GMEB1: variants seen among roughly 807,000 people sequenced by gnomAD.
GMEB1 encodes glucocorticoid modulatory element-binding protein 1.
Under a neutral mutation model 52.4 loss-of-function variants are expected in GMEB1, and 6 were observed. The observed-to-expected ratio is 0.11, with a 90% CI of 0.06 to 0.23. The LOEUF (loss-of-function observed/expected upper bound fraction) is 0.23. Ranked by LOEUF, GMEB1 falls within the 10% of genes least tolerant of loss-of-function variation. GMEB1 has a pLI of 1.00. For synonymous variants in GMEB1, 255 were observed against 244.9 expected, an observed-to-expected ratio of 1.04 and a Z score of -0.38; for missense variants, 486 against 685.6, an observed-to-expected ratio of 0.71 and a Z score of 3.25.
intron 1 of GMEB1, among the ~76,000 whole-genome samples, chr1:28,677,850 A>C (rs1446132050): frequency 6.6e-6 from 1 of 151,716 alleles, no homozygotes; most frequent in Non-Finnish European, 1.5e-5. Context: ...ATTTTATTTT[A>C]TTTTGGTTTT....
At chr1:28,709,041 G>A (rs992264123) in intron 8 of GMEB1, among the ~76,000 whole-genome samples, 1 of 151,910 alleles carries the variant, frequency 6.6e-6, no homozygotes, top group Non-Finnish European at 1.5e-5. Context: ...GGCTGAGGCA[G>A]GAGAATGGTG....
rs114897470 is a variant in GMEB1, at chr1:28,695,293, C to T, written c.441-1634C>T. ...TGTTGCCAAGGCTAGAGTGTAATGG[C>T]GTGATCTCGGCTCACTGCAAACTGT... On this transcript the variant is annotated intron_variant, in intron 5 of 9. Transcript: ENST00000373816. Among the ~76,000 whole-genome samples, 519 of 151,840 alleles carry T rather than the reference C, an allele frequency of 3.4e-3. 1 individual carries two copies. Among genetic ancestry groups the T allele is most frequent in the African/African-American group, 0.012 (490 of 41,432 alleles).
At chr1:28,687,332 TCTCACACA>T (rs1557503963) in intron 2 of GMEB1, among the ~76,000 whole-genome samples, 6 of 95,768 alleles carry the variant, frequency 6.3e-5, no homozygotes, top group South Asian at 8.7e-4. Context: ...TGAGACCCTA[TCTCACACA>T]CACACACACA....
chr1:28,699,835 GA>G (rs1358594000), intron 6 of GMEB1, among the ~76,000 whole-genome samples: 1 of 151,592 alleles, frequency 6.6e-6, no homozygotes, highest in African/African-American at 2.4e-5. Flanking sequence ...AGCACTCTGG[GA>G]AGCTGAGGCA....
chr1:28,678,526 G>T (rs1418085104), intron 1 of GMEB1, among the ~76,000 whole-genome samples: 1 of 152,256 alleles, frequency 6.6e-6, no homozygotes, highest in South Asian at 2.1e-4. Flanking sequence ...AGCCAGGATG[G>T]TCTTGATCTC....
chr1:28,670,583 C>T (rs1363090190), intron 1 of GMEB1, among the ~76,000 whole-genome samples: 2 of 152,156 alleles, frequency 1.3e-5, no homozygotes, highest in African/African-American at 4.8e-5. Flanking sequence ...CATCCTCAGC[C>T]TCCCAGAGTA....
Position 28,716,639 on chromosome 1 carries a change from C to G in GMEB1, c.*1866C>G, listed in dbSNP as rs899551086. ...AACACCCCCAGGCTTTCCTGAGGCA[C>G]CAACTAGATGTCTCTTGAGTGAGCT... On this transcript the variant is annotated 3_prime_UTR_variant, in exon 10 of 10. Transcript: ENST00000373816. The G allele has an allele frequency of 8.6e-5, 13 of 151,824 alleles. No homozygotes were observed. The highest frequency in any genetic ancestry group is 5.3e-4 in the Admixed American group (8 of 15,182). The allele number at this position is 151,824 out of a possible 1,614,324, so 9.4% of individuals were successfully genotyped here. A position where few individuals can be genotyped will look rare whatever the true frequency, so the allele number is the denominator to read the frequency against.
intron 1 of GMEB1, among the ~76,000 whole-genome samples, chr1:28,682,989 T>C (rs959270592): frequency 1.3e-5 from 2 of 152,276 alleles, no homozygotes; most frequent in African/African-American, 4.8e-5. Flanking sequence ...GGAAGAGATA[T>C]GTGTGCACAA....
chr1:28,682,528 A>C (rs1669437145), intron 1 of GMEB1, among the ~76,000 whole-genome samples: 1 of 150,982 alleles, frequency 6.6e-6, no homozygotes. Context: ...AGGGTGAGGC[A>C]GGAGAATCGC....
At position 28,718,637 on chromosome 1, in the gene GMEB1, T is replaced by C. The variant is rs1671329980; in HGVS notation, c.*3864T>C. The C allele has an allele frequency of 6.6e-6, 1 of 152,236 alleles. No homozygotes were observed. The highest frequency in any genetic ancestry group is 6.5e-5 in the Admixed American group (1 of 15,276). The allele number at this position is 152,236 out of a possible 1,614,324, so 9.4% of individuals were successfully genotyped here. A position where few individuals can be genotyped will look rare whatever the true frequency, so the allele number is the denominator to read the frequency against. ...AACTACACATTTCATTATAATTGTT[T>C]TTTTTTGTAATTTTATGTATTTTAT... On this transcript the variant is annotated 3_prime_UTR_variant, in exon 10 of 10. Coordinates refer to ENST00000373816, the MANE Select transcript of GMEB1 (RefSeq NM_001319674.2).
At chr1:28,671,608 G>C (rs994015758) in intron 1 of GMEB1, among the ~76,000 whole-genome samples, 3 of 151,980 alleles carry the variant, frequency 2.0e-5, no homozygotes, top group African/African-American at 7.2e-5. Context: ...GGGCGTGGTG[G>C]AGCTAGTTGC....
At chr1:28,685,743 G>A (rs1263490931) in intron 2 of GMEB1, among the ~76,000 whole-genome samples, 2 of 151,910 alleles carry the variant, frequency 1.3e-5, no homozygotes, top group Admixed American at 6.6e-5. Flanking sequence ...GGCGGATCAC[G>A]AGGTCAGGAG....
intron 1 of GMEB1, among the ~76,000 whole-genome samples, chr1:28,682,550 A>AG (rs1333718310): frequency 6.8e-6 from 1 of 147,444 alleles, no homozygotes; most frequent in Non-Finnish European, 1.5e-5. Flanking sequence ...TGAGCTTGGG[A>AG]GGCAGATGTT....
intron 8 of GMEB1, among the ~76,000 whole-genome samples, chr1:28,705,940 G>T (rs1670738909): frequency 6.9e-6 from 1 of 145,650 alleles, no homozygotes; most frequent in Non-Finnish European, 1.5e-5. Flanking sequence ...GGATCACGAG[G>T]TCAGGAGATC....
Position 28,690,853 on chromosome 1 carries a change from C to T in GMEB1, c.211+667C>T, listed in dbSNP as rs147036624. On this transcript the variant is annotated intron_variant, in intron 3 of 9. Transcript: ENST00000373816. ...AAAATTAGCTGGGTGTAGTGGTGCG[C>T]GCCTGTAATCCCAGTTACTCAGGAG... Among the ~76,000 whole-genome samples, 950 of 151,802 alleles carry T rather than the reference C, an allele frequency of 6.3e-3. 14 individuals carry two copies. The highest frequency in any genetic ancestry group is 0.02 in the African/African-American group (834 of 41,350).
At chr1:28,691,982 A>G (rs1669987237) in intron 4 of GMEB1, among the ~76,000 whole-genome samples, 2 of 150,174 alleles carry the variant, frequency 1.3e-5, no homozygotes, top group Admixed American at 1.3e-4. Flanking sequence ...GGAGTTCAAG[A>G]CCAGCCTGGG....
At chr1:28,698,942 C>A (rs1471299780) in intron 6 of GMEB1, among the ~76,000 whole-genome samples, 1 of 152,040 alleles carries the variant, frequency 6.6e-6, no homozygotes, top group East Asian at 1.9e-4. Flanking sequence ...CGAGATCGTC[C>A]CATATTCCAG....
intron 1 of GMEB1, among the ~76,000 whole-genome samples, chr1:28,675,905 G>A (rs1669133515): frequency 6.6e-6 from 1 of 152,112 alleles, no homozygotes; most frequent in African/African-American, 2.4e-5. Flanking sequence ...TACCTGCAAG[G>A]AATATGGTAT....
At chr1:28,702,982 A>C (rs574081187) in intron 7 of GMEB1, among the ~76,000 whole-genome samples, 1 of 152,146 alleles carries the variant, frequency 6.6e-6, no homozygotes, top group African/African-American at 2.4e-5. Context: ...GCGCCACTGC[A>C]CTCCAGCCTG....
Sources: gnomAD v4.1 joint callset for allele counts (sites outside exome capture counted in the v4.1 genomes callset) on GRCh38, gnomAD v4.1.1 for gene constraint, MANE v1.5 for transcripts, NCBI Gene and HGNC (gene_info 2026-07-23, HGNC 2026-07-21) for gene names.